CSMD1: variants seen among roughly 807,000 people sequenced by gnomAD.
CSMD1 encodes the protein CUB and sushi domain-containing protein 1.
Under a neutral mutation model 417.5 loss-of-function variants are expected in CSMD1, and 213 were observed. The observed-to-expected ratio is 0.51, with a 90% CI of 0.46 to 0.57. The LOEUF (loss-of-function observed/expected upper bound fraction) is 0.57. Ranked by LOEUF, CSMD1 falls within the 20% of genes least tolerant of loss-of-function variation. The pLI, the probability that CSMD1 is intolerant of heterozygous loss-of-function variation, is 0.00. For synonymous variants in CSMD1, 2,862 were observed against 1,736.8 expected, an observed-to-expected ratio of 1.65 and a Z score of -16.11; for missense variants, 6,923 against 4,529.7, an observed-to-expected ratio of 1.53 and a Z score of -15.17.
rs535986136 is a variant in CSMD1, at chr8:3,772,915, C to T, written c.819-18873G>A. 1.3e-5 allele frequency among the ~76,000 whole-genome samples: 2 copies of T among 152,108 alleles called. 1 individual carries two copies. Among genetic ancestry groups the T allele is most frequent in the South Asian group, 4.2e-4 (2 of 4,816 alleles). ...ATCACAGATGAGGGCTGATAAAAGA[C>T]ATGTTTATGGCTCACAGTTCTGGGG... On this transcript the variant is annotated intron_variant, in intron 5 of 69. Transcript: ENST00000635120.
intron 21 of CSMD1, among the ~76,000 whole-genome samples, chr8:3,356,804 G>A (rs995901783): frequency 1.3e-5 from 2 of 152,230 alleles, no homozygotes; most frequent in African/African-American, 4.8e-5. Context: ...GAGGCTGCTG[G>A]CTGAGCACTG....
Position 3,600,386 on chromosome 8 carries a change from CT to C in CSMD1, c.1098-14127del, listed in dbSNP as rs372973452. ...AATTGATAAACCATCTAACTAGCTA[CT>C]CTATTTCCCCTAGAATATGAATACA... On this transcript the variant is annotated intron_variant, in intron 8 of 69. Transcript: ENST00000635120. Among the ~76,000 whole-genome samples the C allele has an allele frequency of 7.5e-3, 1,140 of 152,304 alleles. 14 individuals carry two copies. The highest frequency in any genetic ancestry group is 0.047 in the South Asian group (227 of 4,822).
chr8:4,930,167 A>C (rs967890049), intron 1 of CSMD1, among the ~76,000 whole-genome samples: 2 of 152,208 alleles, frequency 1.3e-5, no homozygotes, highest in Non-Finnish European at 2.9e-5. Context: ...CATATCACAT[A>C]AAACGTAGGC....
At chr8:3,641,676 C>T (rs1330076521) in intron 7 of CSMD1, among the ~76,000 whole-genome samples, 1 of 152,066 alleles carries the variant, frequency 6.6e-6, no homozygotes, top group African/African-American at 2.4e-5. Flanking sequence ...CAGCTTTTGC[C>T]CCAACAGAGG....
At chr8:3,487,470 G>C (rs894893158) in intron 11 of CSMD1, among the ~76,000 whole-genome samples, 9 of 152,250 alleles carry the variant, frequency 5.9e-5, no homozygotes, top group Admixed American at 5.9e-4. Flanking sequence ...CCAAGTGTTG[G>C]GATTACAGGC....
At chr8:4,167,914 G>C (rs1368196987) in intron 3 of CSMD1, among the ~76,000 whole-genome samples, 3 of 152,006 alleles carry the variant, frequency 2.0e-5, no homozygotes, top group African/African-American at 7.2e-5. Flanking sequence ...GACTGCCTGA[G>C]GTCAGGAGTT....
At position 3,959,893 on chromosome 8, in the gene CSMD1, T is replaced by C. The variant is rs559879735; in HGVS notation, c.818+38010A>G. On this transcript the variant is annotated intron_variant, in intron 5 of 69. Coordinates refer to ENST00000635120, the MANE Select transcript of CSMD1 (RefSeq NM_033225.6). Reference sequence around the variant, plus strand: ...TAACGTGTGATCTGCCTTCATTCCTTTTATTATTTAGATGTATGGGTATTC... The same window carrying C: ...TAACGTGTGATCTGCCTTCATTCCTCTTATTATTTAGATGTATGGGTATTC... Among the ~76,000 whole-genome samples, 274 of 152,308 alleles carry C rather than the reference T, an allele frequency of 1.8e-3. 2 individuals carry two copies. Among genetic ancestry groups the C allele is most frequent in the African/African-American group, 6.4e-3 (268 of 41,562 alleles).
intron 9 of CSMD1, among the ~76,000 whole-genome samples, chr8:3,577,431 C>T (rs1036634431): frequency 2.6e-5 from 4 of 152,102 alleles, no homozygotes; most frequent in African/African-American, 9.7e-5. Context: ...AAATCTCTGT[C>T]CGTCTTTGCA....
At chr8:3,460,054 G>A (rs561985751) in intron 12 of CSMD1, among the ~76,000 whole-genome samples, 1 of 152,150 alleles carries the variant, frequency 6.6e-6, no homozygotes, top group Admixed American at 6.5e-5. Flanking sequence ...GGCATAAAGA[G>A]GTCCTTGCAT....
At chr8:4,456,283 A>T (rs751385790) in intron 2 of CSMD1, among the ~76,000 whole-genome samples, 2 of 152,218 alleles carry the variant, frequency 1.3e-5, no homozygotes, top group Admixed American at 6.5e-5. Flanking sequence ...GTGAGATCTA[A>T]AAGCTGAAGA....
chr8:4,917,381 C>T (rs751284826), intron 1 of CSMD1, among the ~76,000 whole-genome samples: 12 of 152,158 alleles, frequency 7.9e-5, no homozygotes, highest in African/African-American at 1.2e-4. Context: ...ACGCCTGTAA[C>T]CCCAGCACTT....
intron 2 of CSMD1, among the ~76,000 whole-genome samples, chr8:4,604,476 G>A (rs977389756): frequency 2.7e-5 from 4 of 150,890 alleles, no homozygotes; most frequent in African/African-American, 4.9e-5. Flanking sequence ...AATTTGTCCC[G>A]CTTCATTTCT....
At chr8:4,768,472 C>G (rs1434358197) in intron 1 of CSMD1, among the ~76,000 whole-genome samples, 5 of 152,208 alleles carry the variant, frequency 3.3e-5, no homozygotes, top group Non-Finnish European at 7.3e-5. Context: ...AGTTGATTCT[C>G]TTAAAGGCCT....
intron 1 of CSMD1, among the ~76,000 whole-genome samples, chr8:4,760,711 G>T (rs957294255): frequency 3.3e-5 from 5 of 151,950 alleles, no homozygotes; most frequent in Non-Finnish European, 7.4e-5. Context: ...TCTAATAAAA[G>T]GTGTATTTTG....
chr8:3,660,398 T>C (rs747578022), intron 7 of CSMD1, among the ~76,000 whole-genome samples: 1 of 151,912 alleles, frequency 6.6e-6, no homozygotes, highest in African/African-American at 2.4e-5. Flanking sequence ...CCACGTATGT[T>C]GGCATTTCTT....
intron 23 of CSMD1, among the ~76,000 whole-genome samples, chr8:3,329,788 C>T (rs13264579): frequency 0.05 from 7,603 of 152,168 alleles, 282 homozygotes; most frequent in East Asian, 0.18. Flanking sequence ...TGTGAGTGAG[C>T]CTTTTCTGCC....
intron 41 of CSMD1, among the ~76,000 whole-genome samples, chr8:3,123,119 T>C (rs1817302036): frequency 6.6e-6 from 1 of 152,324 alleles, no homozygotes; most frequent in African/African-American, 2.4e-5. Context: ...CTTAGAAATC[T>C]AAGCTGATAA....
At chr8:2,943,594 T>C (rs111547867) in intron 68 of CSMD1, among the ~76,000 whole-genome samples, 145 of 152,312 alleles carry the variant, frequency 9.5e-4, no homozygotes, top group African/African-American at 3.4e-3. Context: ...ATGAAGGTGA[T>C]AGAATCAGCC....
chr8:3,329,464 C>CATATATACAGCATTACA (rs1806749920), intron 23 of CSMD1, among the ~76,000 whole-genome samples: 6 of 152,080 alleles, frequency 3.9e-5, no homozygotes, highest in Admixed American at 6.5e-5. Context: ...ATATGATGAA[C>CATATATACAGCATTACA]GGGGAAACTG....
Sources: gnomAD v4.1 joint callset for allele counts (sites outside exome capture counted in the v4.1 genomes callset) on GRCh38, gnomAD v4.1.1 for gene constraint, MANE v1.5 for transcripts, NCBI Gene and HGNC (gene_info 2026-07-23, HGNC 2026-07-21) for gene names.